Variants in TRIM14 observed in about 807,000 individuals in gnomAD.
TRIM14 encodes the protein tripartite motif-containing protein 14.
Under a neutral mutation model 44.5 loss-of-function variants are expected in TRIM14, and 28 were observed. The ratio of observed to expected loss-of-function variants is 0.63; its 90% CI spans 0.47 to 0.86. The LOEUF (loss-of-function observed/expected upper bound fraction) is 0.86, where lower values mean the gene tolerates loss of function less well. Ranked by LOEUF, TRIM14 falls within the 40% of genes least tolerant of loss-of-function variation. The probability of loss-of-function intolerance (pLI) is 0.00; values close to 1 mark genes in which losing one functional copy is unlikely to be tolerated. For synonymous variants in TRIM14, 299 were observed against 269.2 expected (o/e 1.11, Z -1.08); for missense variants, 607 against 611.1 (o/e 0.99, Z 0.07).
the TRIM14 span, among the ~76,000 whole-genome samples, chr9:98,042,062 A>G: frequency 4.0e-4 from 61 of 151,782 alleles, no homozygotes; most frequent in Middle Eastern, 3.4e-3. Context: ...TGGGAGGCTG[A>G]GGCGGCGGAT....
the TRIM14 span, among the ~76,000 whole-genome samples, chr9:98,062,255 C>T: frequency 4.0e-5 from 6 of 151,690 alleles, no homozygotes; most frequent in Admixed American, 3.3e-4. Flanking sequence ...TTCTGGAGTC[C>T]GCTCCTTGCT....
downstream of TRIM14, among the ~76,000 whole-genome samples, chr9:98,080,244 T>C (rs1162544308): frequency 6.6e-6 from 1 of 152,134 alleles, no homozygotes; most frequent in African/African-American, 2.4e-5. Flanking sequence ...AATAAAATAA[T>C]AATACACGCT....
Position 98,109,742 on chromosome 9 carries a change from A to G in TRIM14, c.303+147T>C. ...CTGTAATTTTGTGTTCTTTTTCTAA[A>G]GAACCCTGAATTATAGAAGCTCCAG... On this transcript the variant is annotated intron_variant, in intron 2 of 5. Coordinates refer to ENST00000341469, the MANE Select transcript of TRIM14 (RefSeq NM_014788.4). The G allele has an allele frequency of 4.4e-6, 3 of 686,160 alleles. No homozygotes were observed. In the East Asian group the frequency reaches 7.5e-5, roughly 17 times the overall value. The allele number at this position is 686,160 out of a possible 1,614,324, so 42.5% of individuals were successfully genotyped here. A position where few individuals can be genotyped will look rare whatever the true frequency, so the allele number is the denominator to read the frequency against.
At chr9:98,064,849 T>C (rs1829089068), downstream of TRIM14, among the ~76,000 whole-genome samples, 1 of 152,200 alleles carries the variant, frequency 6.6e-6, no homozygotes, top group Non-Finnish European at 1.5e-5. Flanking sequence ...AGTCTCCGCA[T>C]GCACCACGCT....
At chr9:98,042,017 G>A in the TRIM14 span, among the ~76,000 whole-genome samples, 2 of 151,490 alleles carry the variant, frequency 1.3e-5, no homozygotes, top group Non-Finnish European at 2.9e-5. Context: ...TTTCCTGGCC[G>A]GGCGCGGTGG....
the TRIM14 span, among the ~76,000 whole-genome samples, chr9:98,042,293 G>GTAAA: frequency 1.1e-4 from 14 of 125,990 alleles, no homozygotes; most frequent in South Asian, 9.5e-4. Flanking sequence ...ACTCTGTCTG[G>GTAAA]AAAAAAAAAA....
chr9:98,097,570 C>T (rs553797785), intron 3 of TRIM14, among the ~76,000 whole-genome samples: 27 of 152,180 alleles, frequency 1.8e-4, no homozygotes, highest in Non-Finnish European at 3.7e-4. Flanking sequence ...TTCATATTTA[C>T]AAAATTGTTT....
downstream of TRIM14, among the ~76,000 whole-genome samples, chr9:98,066,472 C>T (rs1829150734): frequency 6.6e-6 from 1 of 152,144 alleles, no homozygotes; most frequent in South Asian, 2.1e-4. Flanking sequence ...TTTATTGACA[C>T]ACCATCCAAT....
rs576349027 is a variant in TRIM14, at chr9:98,086,592, C to T, written c.*878G>A. The T allele has an allele frequency of 1.3e-5, 2 of 152,316 alleles. No individual in the cohort carries two copies. The highest frequency in any genetic ancestry group is 4.8e-5 in the African/African-American group (2 of 41,544). The allele number at this position is 152,316 out of a possible 1,614,324, so 9.4% of individuals were successfully genotyped here. On this transcript the variant is annotated 3_prime_UTR_variant, in exon 6 of 6. Transcript: ENST00000341469. ...GATTTGTGGCTCTGATAGTGAGATT[C>T]TTGTTCCTTGGTTAGACTTCCTGGC...
At chr9:98,078,724 A>T (rs1339139735) in intron 6 of TRIM14, among the ~76,000 whole-genome samples, 1 of 151,160 alleles carries the variant, frequency 6.6e-6, no homozygotes, top group East Asian at 2.0e-4. Flanking sequence ...GGTCCCAGCT[A>T]CTCAGGAGGC....
chr9:98,076,838 T>A lies in TRIM14; in HGVS notation c.*29-7151A>T, dbSNP rs1009145500. On this transcript the variant is annotated intron_variant, in intron 6 of 6. Coordinates refer to the TRIM14 transcript ENST00000375098. ...TGCCTAAGATGAGGGGTTTTTCTACTTGTATGTTATTCCTTGCCTGTCATA... is the reference window on the plus strand; with the variant it reads ...TGCCTAAGATGAGGGGTTTTTCTACATGTATGTTATTCCTTGCCTGTCATA... 25 of 1,167,942 alleles carry A rather than the reference T, an allele frequency of 2.1e-5. No individual in the cohort carries two copies. In the African/African-American group the frequency reaches 3.7e-4, roughly 17 times the overall value. 72.3% of individuals were successfully genotyped at this position (1,167,942 alleles called of 1,614,324 possible).
At chr9:98,084,127 CG>C (rs1195330686), downstream of TRIM14, among the ~76,000 whole-genome samples, 4 of 151,194 alleles carry the variant, frequency 2.6e-5, no homozygotes, top group African/African-American at 7.3e-5. Flanking sequence ...GGGGAGGAAG[CG>C]GAAGATTCAA....
the TRIM14 span, among the ~76,000 whole-genome samples, chr9:98,063,545 T>A: frequency 6.6e-6 from 1 of 151,742 alleles, no homozygotes; most frequent in Non-Finnish European, 1.5e-5. Context: ...CCTGGCCTAG[T>A]TTTTTTTGTT....
chr9:98,081,106 G>T (rs1391472022), downstream of TRIM14: 2 of 1,612,764 alleles, frequency 1.2e-6, no homozygotes, highest in South Asian at 2.2e-5. Flanking sequence ...GACTCTACTC[G>T]GTTCTGCTGC....
chr9:98,065,276 T>C (rs969603322), downstream of TRIM14, among the ~76,000 whole-genome samples: 4 of 151,120 alleles, frequency 2.6e-5, no homozygotes, highest in African/African-American at 9.7e-5. Context: ...TGAAATAATA[T>C]TATTCTTTTA....
the TRIM14 span, among the ~76,000 whole-genome samples, chr9:98,047,605 T>C: frequency 6.6e-6 from 1 of 152,110 alleles, no homozygotes; most frequent in Non-Finnish European, 1.5e-5. Context: ...TTATCTGATA[T>C]TTTTGAGTTT....
chr9:98,114,829 T>G (rs1826988815), intron 1 of TRIM14, among the ~76,000 whole-genome samples: 2 of 152,186 alleles, frequency 1.3e-5, no homozygotes, highest in Admixed American at 1.3e-4. Flanking sequence ...TGAAGACTGC[T>G]AACCCAACAT....
chr9:98,088,916 T>G (rs10984988), intron 5 of TRIM14, among the ~76,000 whole-genome samples: 27,852 of 110,514 alleles, frequency 0.25, 3,672 homozygotes, highest in East Asian at 0.7. Flanking sequence ...TGAAGTTTTT[T>G]TTGTTGTTGT....
At chr9:98,108,219 G>C (rs1359105) in intron 2 of TRIM14, among the ~76,000 whole-genome samples, 42,372 of 151,702 alleles carry the variant, frequency 0.28, 6,368 homozygotes, top group East Asian at 0.42. Flanking sequence ...GTTAGTTGGG[G>C]AAAGGGTCAA....
Sources: allele counts gnomAD v4.1 joint callset (sites outside exome capture counted in the v4.1 genomes callset), GRCh38; gene constraint gnomAD v4.1.1; transcripts MANE v1.5; gene names NCBI Gene and HGNC (gene_info 2026-07-23, HGNC 2026-07-21).